Variants in WNT5A observed in about 807,000 individuals in gnomAD.
WNT5A encodes the protein Wnt family member 5A, also known as protein Wnt-5a.
A neutral mutation model predicts 42.1 loss-of-function variants in WNT5A; 9 were observed. The observed-to-expected ratio is 0.21, with a 90% CI of 0.13 to 0.37. The LOEUF (loss-of-function observed/expected upper bound fraction) is 0.37, where lower values mean the gene tolerates loss of function less well. Among genes scored for constraint, WNT5A ranks in the 10% least tolerant of loss-of-function variants. The probability of loss-of-function intolerance (pLI) is 1.00; values close to 1 mark genes in which losing one functional copy is unlikely to be tolerated. For missense variants in WNT5A, 426 were observed against 534.0 expected, an observed-to-expected ratio of 0.80 and a Z score of 1.99; for synonymous variants, 210 against 210.0, an observed-to-expected ratio of 1.00 and a Z score of 0.00.
chr3:55,500,380 A>G, the WNT5A span, among the ~76,000 whole-genome samples: 1 of 152,260 alleles, frequency 6.6e-6, no homozygotes, highest in Non-Finnish European at 1.5e-5. Flanking sequence ...ATGGCCATGA[A>G]TACCCAGGTT....
intron 1 of WNT5A, among the ~76,000 whole-genome samples, chr3:55,484,291 G>C (rs2051529169): frequency 6.6e-6 from 1 of 152,148 alleles, no homozygotes. Context: ...CCAAAAACTT[G>C]GGACGTCCTG....
Position 55,467,455 on chromosome 3 carries a change from T to C in WNT5A, c.*2637A>G, listed in dbSNP as rs2051164627. Reference sequence around the variant, plus strand: ...ATAGAAACCTTTTGAAGCTTCCAAATAGCTTGGTTTTGGTAAAATTCACCA... The same window carrying C: ...ATAGAAACCTTTTGAAGCTTCCAAACAGCTTGGTTTTGGTAAAATTCACCA... On this transcript the variant is annotated 3_prime_UTR_variant, in exon 5 of 5. Transcript: ENST00000264634. 1 of 151,492 alleles carries C rather than the reference T, an allele frequency of 6.6e-6. No individual in the cohort carries two copies. The highest frequency in any genetic ancestry group is 1.5e-5 in the Non-Finnish European group (1 of 67,874). 9.4% of individuals were successfully genotyped at this position (151,492 alleles called of 1,614,324 possible).
upstream of WNT5A, among the ~76,000 whole-genome samples, chr3:55,491,064 C>T (rs963381351): frequency 5.3e-5 from 8 of 152,240 alleles, no homozygotes; most frequent in Middle Eastern, 3.4e-3. Context: ...CAATGCCTGG[C>T]ACTTAGTAGG....
chr3:55,496,170 A>G, the WNT5A span, among the ~76,000 whole-genome samples: 1 of 152,106 alleles, frequency 6.6e-6, no homozygotes, highest in Non-Finnish European at 1.5e-5. Context: ...CTTTGCTGCT[A>G]TAATCATCAA....
intron 1 of WNT5A, among the ~76,000 whole-genome samples, chr3:55,485,386 G>T (rs2051558570): frequency 6.6e-6 from 1 of 152,018 alleles, no homozygotes; most frequent in African/African-American, 2.4e-5. Flanking sequence ...GAAGACAGGG[G>T]ACTCTTGGGC....
At chr3:55,481,676 G>A (rs2051468082) in intron 1 of WNT5A, among the ~76,000 whole-genome samples, 1 of 152,142 alleles carries the variant, frequency 6.6e-6, no homozygotes, top group South Asian at 2.1e-4. Flanking sequence ...AGAAGGAGAT[G>A]GGGGCCCTAG....
upstream of WNT5A, chr3:55,488,445 A>G (rs912998352): frequency 3.3e-5 from 5 of 152,078 alleles, no homozygotes; most frequent in African/African-American, 1.2e-4. Flanking sequence ...GAAAGAAAGA[A>G]AAAAGTTCTT....
chr3:55,486,014 A>G (rs1238943568), intron 1 of WNT5A, among the ~76,000 whole-genome samples: 1 of 152,256 alleles, frequency 6.6e-6, no homozygotes, highest in Non-Finnish European at 1.5e-5. Flanking sequence ...AAAATTGTTT[A>G]GAAAATAAAA....
At chr3:55,471,489 G>A (rs1043226510) in intron 4 of WNT5A, among the ~76,000 whole-genome samples, 6 of 152,254 alleles carry the variant, frequency 3.9e-5, no homozygotes, top group African/African-American at 1.4e-4. Flanking sequence ...CAGCAGTGGT[G>A]GCACCAACCT....
chr3:55,498,269 AG>A, the WNT5A span, among the ~76,000 whole-genome samples: 1 of 152,152 alleles, frequency 6.6e-6, no homozygotes, highest in Admixed American at 6.5e-5. Context: ...CTTGATTTCC[AG>A]GGGGATCATC....
Position 55,468,648 on chromosome 3 carries a change from A to ATG in WNT5A, c.*1442_*1443dup, listed in dbSNP as rs1175178384. Reference sequence around the variant, plus strand: ...TATATTTATATTTATATTTATATATATGTATATATATATATATGTTATGTA... The same window carrying ATG: ...TATATTTATATTTATATTTATATATATGTGTATATATATATATATGTTATGTA... On this transcript the variant is annotated 3_prime_UTR_variant, in exon 5 of 5. Transcript: ENST00000264634. 2 of 149,310 alleles carry ATG rather than the reference A, an allele frequency of 1.3e-5. No individual in the cohort carries two copies. The highest frequency in any genetic ancestry group is 2.4e-5 in the African/African-American group (1 of 40,910). The allele number at this position is 149,310 out of a possible 1,614,324, so 9.2% of individuals were successfully genotyped here.
In WNT5A at chr3:55,470,101, C is replaced by T. The variant is rs1575393903; in HGVS notation, c.1134G>A (p.Val378=). ...KKCTEIVDQF[V]CK Reference sequence around the variant, plus strand: ...TGCTGGGTGGCACCCACTACTTGCACACAAACTGGTCCACGATCTCCGTGC... The same window carrying T: ...TGCTGGGTGGCACCCACTACTTGCATACAAACTGGTCCACGATCTCCGTGC... Residue 378 remains valine, a synonymous_variant, in exon 5 of 5, where the codon GTG becomes GTA. Transcript: ENST00000264634. 1 of 1,614,050 alleles carries T rather than the reference C, an allele frequency of 6.2e-7. No homozygotes were observed. The highest frequency in any genetic ancestry group is 8.5e-7 in the Non-Finnish European group (1 of 1,179,922).
chr3:55,503,827 TAG>T, the WNT5A span, among the ~76,000 whole-genome samples: 8 of 152,166 alleles, frequency 5.3e-5, no homozygotes, highest in Non-Finnish European at 7.3e-5. Context: ...TGCGTACCAA[TAG>T]TCCCAGCTAC....
the WNT5A span, chr3:55,505,141 A>G: frequency 1.3e-5 from 2 of 152,198 alleles, no homozygotes; most frequent in African/African-American, 4.8e-5. Flanking sequence ...TTTATAAAGG[A>G]AAGAGGTTTA....
the WNT5A span, among the ~76,000 whole-genome samples, chr3:55,503,732 C>T: frequency 1.3e-5 from 2 of 152,160 alleles, no homozygotes; most frequent in Non-Finnish European, 1.5e-5. Context: ...AGGAGGATAG[C>T]TTGAGGCCAG....
At chr3:55,474,838 G>T (rs2051324823) in intron 3 of WNT5A, among the ~76,000 whole-genome samples, 1 of 104,554 alleles carries the variant, frequency 9.6e-6, no homozygotes, top group Non-Finnish European at 2.0e-5. Context: ...TTGGGGGGAA[G>T]TAGGAGGTGG....
chr3:55,487,046 C>A lies in WNT5A; in HGVS notation c.-61G>T. 6.4e-7 allele frequency: 1 copy of A among 1,563,422 alleles called. No individual in the cohort carries two copies. The highest frequency in any genetic ancestry group is 8.7e-7 in the Non-Finnish European group (1 of 1,142,916). On this transcript the variant is annotated 5_prime_UTR_variant, in exon 1 of 5. Transcript: ENST00000264634. ...CCCGAGCGAGCGCAGCCGAGGAATC[C>A]GAGCGGAGCGACCGGGTTAAGCCTG... is the stretch of plus-strand genomic sequence containing the variant.
rs2051135365 is a variant in WNT5A at position 55,465,925 on chromosome 3, T to C, written c.*4167A>G. 6.6e-6 allele frequency: 1 copy of C among 152,170 alleles called. No homozygotes were observed. The highest frequency in any genetic ancestry group is 2.4e-5 in the African/African-American group (1 of 41,448). 9.4% of individuals were successfully genotyped at this position (152,170 alleles called of 1,614,324 possible). On this transcript the variant is annotated 3_prime_UTR_variant, in exon 5 of 5. Transcript: ENST00000264634. ...AAACTGATACATTAAAAAAAAATCA[T>C]ACCAACCTTTAATCATTCTACATCC...
chr3:55,472,902 A>G (rs2051279668), intron 4 of WNT5A, among the ~76,000 whole-genome samples: 2 of 152,216 alleles, frequency 1.3e-5, no homozygotes, highest in Non-Finnish European at 2.9e-5. Flanking sequence ...TGTAATAAAA[A>G]AGAGTCAAGT....
Sources: allele counts gnomAD v4.1 joint callset (sites outside exome capture counted in the v4.1 genomes callset), GRCh38; gene constraint gnomAD v4.1.1; transcripts MANE v1.5; gene names NCBI Gene and HGNC (gene_info 2026-07-23, HGNC 2026-07-21).